The following SAMSN1 variants were observed in gnomAD, a reference collection of about 807,000 sequenced individuals.
SAMSN1 encodes SAM domain-containing protein SAMSN-1.
In SAMSN1, 31 loss-of-function variants were observed where a neutral mutation model predicts 42.0. The observed-to-expected ratio is 0.74, with a 90% CI of 0.55 to 1.00. The LOEUF is 1.00. Ranked by LOEUF, SAMSN1 falls within the 50% of genes least tolerant of loss-of-function variation. SAMSN1 has a pLI of 0.00. For missense variants in SAMSN1, 464 were observed against 439.4 expected, an observed-to-expected ratio of 1.06 and a Z score of -0.50; for synonymous variants, 178 against 151.9, an observed-to-expected ratio of 1.17 and a Z score of -1.26.
At chr21:14,567,375 T>G (rs1262389693) in intron 2 of SAMSN1, among the ~76,000 whole-genome samples, 1 of 151,780 alleles carries the variant, frequency 6.6e-6, no homozygotes, top group Non-Finnish European at 1.5e-5. Context: ...AAAAAGATTA[T>G]GTTAAAATGA....
chr21:14,654,280 A>T (rs2123400446), intron 1 of SAMSN1, among the ~76,000 whole-genome samples: 1 of 152,084 alleles, frequency 6.6e-6, no homozygotes, highest in East Asian at 1.9e-4. Context: ...GGCCAATATG[A>T]TTTGCTGTTT....
At chr21:14,648,589 C>T (rs1350399268) in intron 1 of SAMSN1, among the ~76,000 whole-genome samples, 1 of 151,850 alleles carries the variant, frequency 6.6e-6, no homozygotes, top group African/African-American at 2.4e-5. Context: ...AACAAACAAC[C>T]CCATCAAAAA....
chr21:14,648,926 AC>A (rs1172470926), intron 1 of SAMSN1, among the ~76,000 whole-genome samples: 17 of 151,584 alleles, frequency 1.1e-4, no homozygotes, highest in South Asian at 6.2e-4. Flanking sequence ...CTGGGTATAT[AC>A]CCAAAGGACT....
Position 14,504,485 on chromosome 21 carries a change from A to T in SAMSN1, c.562-3750T>A, listed in dbSNP as rs546041121. 9.8e-5 allele frequency among the ~76,000 whole-genome samples: 15 copies of T among 152,348 alleles called. No individual in the cohort carries two copies. The East Asian group carries it at 2.5e-3, about 25-fold the overall frequency. On this transcript the variant is annotated intron_variant, in intron 5 of 7. Coordinates refer to ENST00000400566, the MANE Select transcript of SAMSN1 (RefSeq NM_022136.5). Reference sequence around the variant, plus strand: ...CTGGAAAGTTCCAGCAACAGAATTGAATAAGTAGAAGAAAGAAATTCAGAG... The same window carrying T: ...CTGGAAAGTTCCAGCAACAGAATTGTATAAGTAGAAGAAAGAAATTCAGAG...
chr21:14,602,532 G>A (rs537975169), intron 5 of SAMSN1, among the ~76,000 whole-genome samples: 1 of 152,188 alleles, frequency 6.6e-6, no homozygotes, highest in African/African-American at 2.4e-5. Flanking sequence ...AATTATTTAT[G>A]TTGAAATTGT....
At chr21:14,626,772 A>AT (rs1254006985) in intron 2 of SAMSN1, among the ~76,000 whole-genome samples, 1 of 152,214 alleles carries the variant, frequency 6.6e-6, no homozygotes, top group Non-Finnish European at 1.5e-5. Flanking sequence ...CCATCCCATT[A>AT]CTGGGTATAT....
At chr21:14,486,407 T>C (rs1040890777) in intron 7 of SAMSN1, among the ~76,000 whole-genome samples, 1 of 152,176 alleles carries the variant, frequency 6.6e-6, no homozygotes, top group Non-Finnish European at 1.5e-5. Context: ...GACTCTCATT[T>C]TACATTAATA....
At chr21:14,512,710 T>C in intron 3 of SAMSN1, 137 bp from the exon 4 acceptor site, 1 of 740,190 alleles carries the variant, frequency 1.4e-6, no homozygotes, top group Non-Finnish European at 2.1e-6. Context: ...CAAAAGTAGT[T>C]CATCTTCAGT....
intron 2 of SAMSN1, among the ~76,000 whole-genome samples, chr21:14,618,681 TGTGTGTGTGTGCGCGCGCGCGCACGCGC>T (rs1228669897): frequency 2.5e-5 from 2 of 79,960 alleles, no homozygotes; most frequent in East Asian, 3.6e-4. Flanking sequence ...TGTGTGTGTG[TGTGTGTGTGTGCGCGCGCGCGCACGCGC>T]GTGTGTGTGT....
At chr21:14,588,196 G>A (rs1262302759), upstream of SAMSN1, among the ~76,000 whole-genome samples, 92 of 124,106 alleles carry the variant, frequency 7.4e-4, 1 homozygote, top group African/African-American at 2.1e-3. Flanking sequence ...GAATAATGCC[G>A]CAATAAACAT....
At position 14,578,680 on chromosome 21, in the gene SAMSN1, C is replaced by CA. The variant is rs769354531; in HGVS notation, c.261+3455dup. On this transcript the variant is annotated intron_variant, in intron 2 of 8. Transcript: ENST00000285670. ...CCTGGGCGACAGGGTGAGAATCCAT[C>CA]AAAAAAAAAAAAAAAAAAAAAAAAA... Among the ~76,000 whole-genome samples the CA allele has an allele frequency of 6.7e-3, 429 of 63,698 alleles. 8 individuals are homozygous for CA. The highest frequency in any genetic ancestry group is 0.017 in the East Asian group (32 of 1,848). The allele number at this position is 63,698 out of a possible 152,430, so 41.8% of individuals were successfully genotyped here. A position where few individuals can be genotyped will look rare whatever the true frequency, so the allele number is the denominator to read the frequency against.
chr21:14,617,949 C>T (rs961956220), intron 2 of SAMSN1, among the ~76,000 whole-genome samples: 1 of 152,174 alleles, frequency 6.6e-6, no homozygotes, highest in African/African-American at 2.4e-5. Flanking sequence ...GGGACCCACA[C>T]AAAGCTTAAA....
intron 2 of SAMSN1, among the ~76,000 whole-genome samples, chr21:14,631,290 T>G (rs776886742): frequency 1.3e-5 from 2 of 152,222 alleles, no homozygotes; most frequent in Non-Finnish European, 2.9e-5. Flanking sequence ...ATAAAATACA[T>G]TGTCACTTTT....
At chr21:14,632,640 T>C (rs1173231221) in intron 2 of SAMSN1, among the ~76,000 whole-genome samples, 29 of 152,070 alleles carry the variant, frequency 1.9e-4, no homozygotes, top group Non-Finnish European at 1.5e-5. Context: ...AAAAAATACA[T>C]GTTTATTATC....
At chr21:14,561,669 T>C (rs113431398) in intron 2 of SAMSN1, among the ~76,000 whole-genome samples, 48 of 152,296 alleles carry the variant, frequency 3.2e-4, no homozygotes, top group African/African-American at 1.1e-3. Context: ...TGACCCTCTT[T>C]GGAAATACGA....
At chr21:14,503,225 T>A (rs1987250052) in intron 5 of SAMSN1, among the ~76,000 whole-genome samples, 1 of 152,088 alleles carries the variant, frequency 6.6e-6, no homozygotes, top group South Asian at 2.1e-4. Context: ...ACAAATCAGG[T>A]AGGATCCCTT....
chr21:14,536,660 T>C (rs770190532), intron 1 of SAMSN1, among the ~76,000 whole-genome samples: 4 of 152,024 alleles, frequency 2.6e-5, no homozygotes, highest in Non-Finnish European at 5.9e-5. Context: ...TAAAATAAAA[T>C]CCAATGGAAA....
chr21:14,486,008 G>C lies in SAMSN1; in HGVS notation c.1026C>G (p.Ile342Met), dbSNP rs766708441. 6.2e-6 allele frequency: 10 copies of C among 1,613,550 alleles called. No individual in the cohort carries two copies. Among genetic ancestry groups the C allele is most frequent in the Non-Finnish European group, 8.5e-6 (10 of 1,179,564 alleles). ...TGCCATTATCTGAATTTCCTGATGA[G>C]ATATAGCAACCAGAGTCCCTTGGGC... ...DDCPRDSGCYISSGNSDNGKE... is the reference protein window; with the variant it reads ...DDCPRDSGCYMSSGNSDNGKE... The change falls in exon 8 of 8, where the codon ATC becomes ATG. Residue 342 changes from isoleucine (I) to methionine (M), a missense_variant. Ile to Met is a conservative substitution (Grantham distance 10, BLOSUM62 1). Coordinates refer to ENST00000400566, the MANE Select transcript of SAMSN1 (RefSeq NM_022136.5).
At chr21:14,608,032 G>A (rs1982609250) in intron 5 of SAMSN1, among the ~76,000 whole-genome samples, 2 of 152,206 alleles carry the variant, frequency 1.3e-5, no homozygotes, top group Admixed American at 6.5e-5. Context: ...ATCCAAACAT[G>A]ATAGAGAGGG....
Sources: gnomAD v4.1 joint callset for allele counts (sites outside exome capture counted in the v4.1 genomes callset) on GRCh38, gnomAD v4.1.1 for gene constraint, MANE v1.5 for transcripts, NCBI Gene and HGNC (gene_info 2026-07-23, HGNC 2026-07-21) for gene names.